The following CHD9 variants were observed in gnomAD, a reference collection of about 807,000 sequenced individuals.
CHD9 encodes the protein ATP-dependent chromatin remodeler CHD9.
CHD9 carries 77 observed loss-of-function variants against 316.1 expected under a neutral mutation model. That is an observed-to-expected ratio of 0.24 (90% CI 0.20 to 0.29). The LOEUF (loss-of-function observed/expected upper bound fraction) is 0.29. Among genes scored for constraint, CHD9 ranks in the 10% least tolerant of loss-of-function variants. The pLI, the probability that CHD9 is intolerant of heterozygous loss-of-function variation, is 1.00. For synonymous variants in CHD9, 1,129 were observed against 1,158.3 expected, an observed-to-expected ratio of 0.97 and a Z score of 0.51; for missense variants, 2,763 against 3,438.1, an observed-to-expected ratio of 0.80 and a Z score of 4.91.
At chr16:53,305,028 C>T (rs1280632931) in intron 31 of CHD9, among the ~76,000 whole-genome samples, 3 of 150,910 alleles carry the variant, frequency 2.0e-5, no homozygotes, top group African/African-American at 7.3e-5. Context: ...GAAAAGAACT[C>T]GTTTCAGGTA....
chr16:53,120,537 C>CAT (rs2038668467), intron 1 of CHD9, among the ~76,000 whole-genome samples: 1 of 151,698 alleles, frequency 6.6e-6, no homozygotes, highest in Non-Finnish European at 1.5e-5. Context: ...CGCTTGAAAC[C>CAT]GGGAGGCGGA....
chr16:53,190,441 A>G (rs1260314365), intron 2 of CHD9, among the ~76,000 whole-genome samples: 1 of 152,084 alleles, frequency 6.6e-6, no homozygotes, highest in Non-Finnish European at 1.5e-5. Context: ...GGAGGAGGAA[A>G]TACAAGGCTG....
chr16:53,087,908 A>G (rs189196064), intron 1 of CHD9, among the ~76,000 whole-genome samples: 1 of 151,824 alleles, frequency 6.6e-6, no homozygotes, highest in East Asian at 1.9e-4. Flanking sequence ...AGATCATGCC[A>G]TTGCACTCCA....
intron 2 of CHD9, among the ~76,000 whole-genome samples, chr16:53,174,103 C>A (rs1403196699): frequency 2.6e-5 from 4 of 152,026 alleles, no homozygotes; most frequent in Admixed American, 2.0e-4. Flanking sequence ...GGCAACATGG[C>A]AAAACCCACT....
In CHD9 at chr16:53,242,896, G is replaced by T; in HGVS notation, c.2934G>T (p.Met978Ile). ...AAGCCATCATCACCACTTTTGAAAT[G>T]ATTCTTGGAGGCTGTGGAGAGCTTA... ...RFQAIITTFE[M>I]ILGGCGELNA... The change falls in exon 13 of 39, where the codon ATG (methionine) becomes ATT (isoleucine). Residue 978 changes from methionine to isoleucine, a missense_variant. Around this residue, in one of 15 missense-constraint regions of CHD9, gnomAD observed 155 missense variants for 291.8 expected, o/e 0.53. Transcript: ENST00000447540. The T allele has an allele frequency of 6.2e-7, 1 of 1,613,556 alleles. No homozygotes were observed. The highest frequency in any genetic ancestry group is 8.5e-7 in the Non-Finnish European group (1 of 1,179,652).
chr16:53,209,040 T>C (rs72797701), intron 2 of CHD9, among the ~76,000 whole-genome samples: 47,225 of 151,962 alleles, frequency 0.31, 7,495 homozygotes, highest in Middle Eastern at 0.39. Context: ...AAAGCAGAGG[T>C]TTTATTTTTC....
intron 1 of CHD9, among the ~76,000 whole-genome samples, chr16:53,098,475 CAA>C (rs35249810): frequency 4.9e-4 from 52 of 105,648 alleles, no homozygotes; most frequent in Admixed American, 7.2e-4. Context: ...GACTCCGTCT[CAA>C]AAAAAAAAAA....
chr16:53,112,692 G>T (rs1166145827), intron 1 of CHD9, among the ~76,000 whole-genome samples: 1 of 152,044 alleles, frequency 6.6e-6, no homozygotes, highest in Admixed American at 6.6e-5. Context: ...AGTATTTTTG[G>T]AGAATGCTTA....
chr16:53,127,629 A>G (rs531907868), intron 1 of CHD9, among the ~76,000 whole-genome samples: 5 of 152,088 alleles, frequency 3.3e-5, no homozygotes, highest in Non-Finnish European at 7.4e-5. Flanking sequence ...GCGGGGGGGA[A>G]TCCCTTTCTC....
chr16:53,058,698 C>T (rs1171326099), intron 1 of CHD9, among the ~76,000 whole-genome samples: 2 of 152,152 alleles, frequency 1.3e-5, no homozygotes, highest in Non-Finnish European at 2.9e-5. Context: ...AGGATCATTT[C>T]CGCCTTTGAG....
intron 2 of CHD9, among the ~76,000 whole-genome samples, chr16:53,198,315 A>ATTTTTTTTTT (rs34946383): frequency 8.0e-6 from 1 of 125,238 alleles, no homozygotes; most frequent in African/African-American, 3.0e-5. Context: ...TAAGCATTCA[A>ATTTTTTTTTT]TTTTTTTTTT....
At chr16:53,178,427 CTTTTT>C (rs10569589) in intron 2 of CHD9, among the ~76,000 whole-genome samples, 1 of 98,958 alleles carries the variant, frequency 1.0e-5, no homozygotes, top group East Asian at 3.0e-4. Context: ...TTGTTGGTTT[CTTTTT>C]TTTTTTTTTT....
chr16:53,271,185 AC>A (rs2052220685), intron 22 of CHD9, among the ~76,000 whole-genome samples: 1 of 151,894 alleles, frequency 6.6e-6, no homozygotes, highest in Admixed American at 6.6e-5. Context: ...TCTCCCTATC[AC>A]CTTTTTTATT....
intron 1 of CHD9, among the ~76,000 whole-genome samples, chr16:53,118,406 G>C (rs1291301081): frequency 6.6e-6 from 1 of 152,168 alleles, no homozygotes; most frequent in Non-Finnish European, 1.5e-5. Flanking sequence ...AGTAGAGCAA[G>C]AATCTGTCTC....
chr16:53,323,273 CA>C (rs950059277), intron 38 of CHD9, among the ~76,000 whole-genome samples: 6 of 152,274 alleles, frequency 3.9e-5, no homozygotes, highest in Admixed American at 2.6e-4. Flanking sequence ...AAATTAATGT[CA>C]CCTGTTTCTG....
intron 12 of CHD9, among the ~76,000 whole-genome samples, chr16:53,242,512 T>C (rs2049190862): frequency 6.6e-6 from 1 of 152,156 alleles, no homozygotes; most frequent in Admixed American, 6.5e-5. Flanking sequence ...AATACTGAAA[T>C]CTCATTGGCC....
rs746319819 is a variant in CHD9, at chr16:53,156,962, A to C, written c.873A>C (p.Ala291=). 8.1e-6 allele frequency: 13 copies of C among 1,613,330 alleles called. No homozygotes were observed. Among genetic ancestry groups the C allele is most frequent in the African/African-American group, 1.3e-5 (1 of 75,032 alleles). The change falls in exon 2 of 39, where the codon GCA becomes GCC. Residue 291 remains alanine (A), a synonymous_variant. Transcript: ENST00000447540. The part of the protein sequence containing the change: ...ISPNSLLQSS[A]VLASNHTNQT... ...CAAACAGTCTACTTCAGTCCTCTGC[A>C]GTTCTTGCATCTAATCATACAAATC...
At chr16:53,134,863 T>G (rs985290666) in intron 1 of CHD9, among the ~76,000 whole-genome samples, 3 of 152,196 alleles carry the variant, frequency 2.0e-5, no homozygotes, top group Non-Finnish European at 4.4e-5. Context: ...ATGTATTAAG[T>G]GCATAATAAG....
chr16:53,202,502 G>C lies in CHD9; in HGVS notation c.1453-6980G>C, dbSNP rs376577979. 5.6e-4 allele frequency among the ~76,000 whole-genome samples: 85 copies of C among 151,582 alleles called. 1 individual carries two copies. The South Asian group carries it at 0.015, about 26-fold the overall frequency. On this transcript the variant is annotated intron_variant, in intron 2 of 38. Coordinates refer to ENST00000447540, the MANE Select transcript of CHD9 (RefSeq NM_001308319.2). ...TTACAGTTTCTTTGTTGAAGAAATA[G>C]AGTCCTTTGTCCTATGGAGTTTCCT... is the stretch of plus-strand genomic sequence containing the variant.
Sources: gnomAD v4.1 joint callset for allele counts (sites outside exome capture counted in the v4.1 genomes callset) on GRCh38, gnomAD v4.1.1 for gene constraint, gnomAD v4.1.1 regional missense constraint, MANE v1.5 for transcripts, NCBI Gene and HGNC (gene_info 2026-07-23, HGNC 2026-07-21) for gene names.